Variants in SUGCT observed in about 807,000 individuals in gnomAD.
SUGCT encodes the protein succinyl-CoA:glutarate CoA-transferase.
A neutral mutation model predicts 55.0 loss-of-function variants in SUGCT; 41 were observed. The observed-to-expected ratio is 0.74, with a 90% confidence interval of 0.58 to 0.97. SUGCT has a LOEUF of 0.97. Ranked by LOEUF, SUGCT falls within the 50% of genes least tolerant of loss-of-function variation. SUGCT has a pLI of 0.00. For synonymous variants in SUGCT, 187 were observed against 200.4 expected (o/e 0.93, Z 0.56); for missense variants, 568 against 547.8 (o/e 1.04, Z -0.37).
the SUGCT span, among the ~76,000 whole-genome samples, chr7:41,008,813 T>G: frequency 6.6e-6 from 1 of 152,020 alleles, no homozygotes; most frequent in Non-Finnish European, 1.5e-5. Flanking sequence ...GGGGAGGACC[T>G]GGCAGGATGC....
chr7:40,522,741 T>G (rs549771337), intron 12 of SUGCT, among the ~76,000 whole-genome samples: 21 of 152,266 alleles, frequency 1.4e-4, no homozygotes, highest in African/African-American at 5.1e-4. Context: ...TAGACCTGTT[T>G]GCAGTTGCTA....
chr7:40,167,932 A>G (rs1289363728), intron 1 of SUGCT, among the ~76,000 whole-genome samples: 3 of 152,222 alleles, frequency 2.0e-5, no homozygotes, highest in African/African-American at 7.2e-5. Flanking sequence ...CAGAGCTCTC[A>G]TACAATGGGA....
chr7:40,415,070 ATCT>A (rs1786908878), intron 9 of SUGCT, among the ~76,000 whole-genome samples: 3 of 121,440 alleles, frequency 2.5e-5, no homozygotes, highest in African/African-American at 9.6e-5. Context: ...AAATCTATCT[ATCT>A]ATCTATCTAT....
At chr7:40,516,573 G>A (rs1793243867) in intron 12 of SUGCT, among the ~76,000 whole-genome samples, 1 of 151,874 alleles carries the variant, frequency 6.6e-6, no homozygotes, top group African/African-American at 2.4e-5. Flanking sequence ...GTAACCAGTT[G>A]GCACAGCACC....
At chr7:40,544,896 A>G (rs1289412443) in intron 12 of SUGCT, among the ~76,000 whole-genome samples, 1 of 152,202 alleles carries the variant, frequency 6.6e-6, no homozygotes, top group African/African-American at 2.4e-5. Context: ...CCATTTGAGA[A>G]GGAGCTTACA....
chr7:40,135,170 T>G, intron 1 of SUGCT, 50 bp downstream of exon 1: 1 of 1,511,078 alleles, frequency 6.6e-7, no homozygotes, highest in Non-Finnish European at 8.9e-7. Context: ...CTGCCCCAGC[T>G]TGCCTCCTCG....
At chr7:40,994,547 A>C in the SUGCT span, among the ~76,000 whole-genome samples, 3 of 152,230 alleles carry the variant, frequency 2.0e-5, no homozygotes, top group African/African-American at 7.2e-5. Flanking sequence ...AAACAGGAAA[A>C]GCTCAGAAAC....
chr7:40,992,179 G>T, the SUGCT span, among the ~76,000 whole-genome samples: 2 of 152,140 alleles, frequency 1.3e-5, no homozygotes, highest in Non-Finnish European at 2.9e-5. Context: ...CGGAAAAGGG[G>T]TGGGCATTTT....
intron 9 of SUGCT, among the ~76,000 whole-genome samples, chr7:40,375,749 A>G (rs1345641460): frequency 6.6e-6 from 1 of 152,158 alleles, no homozygotes; most frequent in Non-Finnish European, 1.5e-5. Flanking sequence ...ACATATAAAT[A>G]GACATATAAA....
At chr7:40,692,529 G>A (rs1273561329) in intron 12 of SUGCT, among the ~76,000 whole-genome samples, 1 of 152,152 alleles carries the variant, frequency 6.6e-6, no homozygotes, top group African/African-American at 2.4e-5. Context: ...AAGAGAATGG[G>A]AGCCTTCCTG....
intron 7 of SUGCT, among the ~76,000 whole-genome samples, chr7:40,260,126 G>A (rs1403227594): frequency 2.0e-5 from 3 of 152,178 alleles, no homozygotes; most frequent in Non-Finnish European, 4.4e-5. Flanking sequence ...CTTCCATTGA[G>A]AGCACTACTA....
chr7:40,658,245 T>C (rs1373526851), intron 12 of SUGCT, among the ~76,000 whole-genome samples: 1 of 152,218 alleles, frequency 6.6e-6, no homozygotes, highest in Non-Finnish European at 1.5e-5. Context: ...AACCTCGTTA[T>C]TGAGGAGTCT....
chr7:40,799,147 A>G (rs750219573), intron 13 of SUGCT, among the ~76,000 whole-genome samples: 1 of 152,242 alleles, frequency 6.6e-6, no homozygotes, highest in Non-Finnish European at 1.5e-5. Flanking sequence ...AGGGCACCAG[A>G]GCTACCTCTT....
chr7:40,528,144 A>G (rs942498627), intron 12 of SUGCT, among the ~76,000 whole-genome samples: 1 of 152,218 alleles, frequency 6.6e-6, no homozygotes, highest in East Asian at 1.9e-4. Flanking sequence ...TTGAAAGACT[A>G]CAGTGAAGAT....
rs536252231 is a variant in SUGCT, at chr7:40,755,392, A to T, written c.1153+5895A>T. 2.6e-5 allele frequency among the ~76,000 whole-genome samples: 4 copies of T among 152,368 alleles called. No individual in the cohort carries two copies. In the East Asian group the frequency reaches 5.8e-4, roughly 22 times the overall value. ...TGTTAATTACAGAAATTTAAAAAGCACATTAAAGTTTACATCACAGCATTT... is the reference window on the plus strand; with the variant it reads ...TGTTAATTACAGAAATTTAAAAAGCTCATTAAAGTTTACATCACAGCATTT... On this transcript the variant is annotated intron_variant, in intron 13 of 13. Coordinates refer to ENST00000335693, the MANE Select transcript of SUGCT (RefSeq NM_001193313.2).
rs1482285600 is a variant in SUGCT, at chr7:40,337,288, A to G, written c.816+20433A>G. ...TCTGCTTGGTGCAGAGCTGAGTTCA[A>G]TTCCTGGATATGCTTGTGAACTTTC... On this transcript the variant is annotated intron_variant, in intron 9 of 13. Coordinates refer to ENST00000335693, the MANE Select transcript of SUGCT (RefSeq NM_001193313.2). Among the ~76,000 whole-genome samples, 3 of 152,112 alleles carry G rather than the reference A, an allele frequency of 2.0e-5. No individual in the cohort carries two copies. In the East Asian group the frequency reaches 5.8e-4, roughly 29 times the overall value.
At chr7:40,768,870 G>A (rs1584410911) in intron 13 of SUGCT, among the ~76,000 whole-genome samples, 4 of 152,342 alleles carry the variant, frequency 2.6e-5, no homozygotes, top group Non-Finnish European at 4.4e-5. Flanking sequence ...TTGATGGGGA[G>A]GCACATGTGA....
rs1455660469 is a variant in SUGCT, at chr7:40,666,353, A to AG, written c.1090-83080dup. On this transcript the variant is annotated intron_variant, in intron 12 of 13. Coordinates refer to ENST00000335693, the MANE Select transcript of SUGCT (RefSeq NM_001193313.2). ...ACAGAGCAAGACTCTGTCTCAAGAA[A>AG]GAAAGGAAGGAAGGAAGGAAGGAAG... is the stretch of plus-strand genomic sequence containing the variant. Among the ~76,000 whole-genome samples, 1,018 of 139,652 alleles carry AG rather than the reference A, an allele frequency of 7.3e-3. 12 individuals are homozygous for AG. Among genetic ancestry groups the AG allele is most frequent in the African/African-American group, 0.028 (976 of 34,690 alleles). The allele number at this position is 139,652 out of a possible 152,430, so 91.6% of individuals were successfully genotyped here.
intron 12 of SUGCT, among the ~76,000 whole-genome samples, chr7:40,558,992 T>C (rs1795702077): frequency 6.6e-6 from 1 of 152,216 alleles, no homozygotes; most frequent in Non-Finnish European, 1.5e-5. Context: ...AAATGCTGTA[T>C]GTAAATATGA....
Sources: allele counts gnomAD v4.1 joint callset (sites outside exome capture counted in the v4.1 genomes callset), GRCh38; gene constraint gnomAD v4.1.1; transcripts MANE v1.5; gene names NCBI Gene and HGNC (gene_info 2026-07-23, HGNC 2026-07-21).